The following CCDC30 variants were observed in gnomAD, a reference collection of about 807,000 sequenced individuals.
CCDC30 encodes the protein coiled-coil domain-containing protein 30.
Under a neutral mutation model 100.2 loss-of-function variants are expected in CCDC30, and 70 were observed. The observed-to-expected ratio is 0.70, with a 90% CI of 0.58 to 0.85. The LOEUF is 0.85. CCDC30 is among the 40% of genes least tolerant of loss of function. The probability of loss-of-function intolerance (pLI) is 0.00; values close to 1 mark genes in which losing one functional copy is unlikely to be tolerated. For synonymous variants in CCDC30, 233 were observed against 269.5 expected (o/e 0.86, Z 1.33); for missense variants, 652 against 771.2 (o/e 0.85, Z 1.83).
At chr1:42,550,441 A>G (rs764395968) in intron 6 of CCDC30, among the ~76,000 whole-genome samples, 8 of 152,184 alleles carry the variant, frequency 5.3e-5, no homozygotes, top group African/African-American at 1.4e-4. Flanking sequence ...AACCATTACC[A>G]TGACCCATAA....
intron 6 of CCDC30, among the ~76,000 whole-genome samples, chr1:42,521,762 A>G (rs1283865748): frequency 1.3e-5 from 2 of 151,786 alleles, no homozygotes; most frequent in Admixed American, 6.6e-5. Context: ...TAATTATGAT[A>G]TATTTTTACT....
chr1:42,457,397 T>C, the CCDC30 span: 2 of 1,518,278 alleles, frequency 1.3e-6, no homozygotes, highest in Admixed American at 3.3e-5. Context: ...ATAACCAATC[T>C]TGGGTTAATT....
intron 6 of CCDC30, among the ~76,000 whole-genome samples, chr1:42,561,945 G>T (rs1645497108): frequency 6.6e-6 from 1 of 152,090 alleles, no homozygotes; most frequent in Non-Finnish European, 1.5e-5. Context: ...AAGGAAATAG[G>T]AGAGGACACA....
chr1:42,595,055 A>C (rs1312057698), intron 10 of CCDC30: 1 of 151,142 alleles, frequency 6.6e-6, no homozygotes, highest in Non-Finnish European at 1.5e-5. Context: ...GCATGATAGG[A>C]TATACGGTAG....
intron 11 of CCDC30, among the ~76,000 whole-genome samples, chr1:42,616,083 T>C (rs1201652904): frequency 6.6e-6 from 1 of 152,108 alleles, no homozygotes; most frequent in African/African-American, 2.4e-5. Context: ...ACCCAGCTAA[T>C]TTTTTTATTT....
intron 3 of CCDC30, among the ~76,000 whole-genome samples, chr1:42,483,164 T>C (rs893428478): frequency 6.6e-6 from 1 of 152,214 alleles, no homozygotes. Flanking sequence ...ATATGCAGTA[T>C]GCCTTCTATG....
At chr1:42,602,035 T>G (rs1488443689) in intron 10 of CCDC30, among the ~76,000 whole-genome samples, 1 of 152,106 alleles carries the variant, frequency 6.6e-6, no homozygotes, top group Non-Finnish European at 1.5e-5. Flanking sequence ...ATGCATTTGC[T>G]GAACTGAAAA....
At chr1:42,631,817 T>C (rs1647043723) in intron 11 of CCDC30, among the ~76,000 whole-genome samples, 1 of 152,092 alleles carries the variant, frequency 6.6e-6, no homozygotes, top group Non-Finnish European at 1.5e-5. Context: ...TAAGGCCCAG[T>C]GTCTCCTAAA....
At chr1:42,491,829 T>G (rs1644148297) in intron 4 of CCDC30, 1 of 348,982 alleles carries the variant, frequency 2.9e-6, no homozygotes, top group Admixed American at 3.4e-5. Context: ...GAAAGATTGG[T>G]GTGATGTAAA....
At chr1:42,577,165 C>T (rs1421921804) in exon 8 of CCDC30, 10 of 1,613,974 alleles carry the variant, frequency 6.2e-6, no homozygotes, top group Non-Finnish European at 8.5e-6. Context: ...AGCATTAAAT[C>T]ACAGAACAAC....
At chr1:42,543,206 C>T (rs556025289) in intron 6 of CCDC30, among the ~76,000 whole-genome samples, 1 of 149,536 alleles carries the variant, frequency 6.7e-6, no homozygotes, top group Admixed American at 6.6e-5. Flanking sequence ...AACTCCTGAC[C>T]TCATGATCTG....
In CCDC30 at chr1:42,536,456, A is replaced by T; in HGVS notation, c.457-29840A>T. ...ACTGCTATTATATATAAAATTAATT[A>T]TGTAAAATGCTTTTTACAGATCCTG... is the stretch of plus-strand genomic sequence containing the variant. On this transcript the variant is annotated intron_variant, in intron 6 of 16. Transcript: ENST00000668663. The T allele has an allele frequency of 6.8e-7, 1 of 1,464,204 alleles. No homozygotes were observed. The highest frequency in any genetic ancestry group is 9.4e-7 in the Non-Finnish European group (1 of 1,063,442). The allele number at this position is 1,464,204 out of a possible 1,614,324, so 90.7% of individuals were successfully genotyped here.
chr1:42,479,309 G>T (rs1040328461), intron 1 of CCDC30, among the ~76,000 whole-genome samples: 2 of 152,106 alleles, frequency 1.3e-5, no homozygotes, highest in Non-Finnish European at 2.9e-5. Context: ...ATGGGAGGTG[G>T]AGGTTGCAGT....
chr1:42,503,856 T>TAAC (rs1300178940), intron 6 of CCDC30, among the ~76,000 whole-genome samples: 1 of 152,144 alleles, frequency 6.6e-6, no homozygotes, highest in Non-Finnish European at 1.5e-5. Context: ...GTGGTAACCC[T>TAAC]AACTGTGGAG....
At chr1:42,655,765 C>G (rs1212855173), downstream of CCDC30, among the ~76,000 whole-genome samples, 1 of 151,906 alleles carries the variant, frequency 6.6e-6, no homozygotes, top group Non-Finnish European at 1.5e-5. Flanking sequence ...ACATTCACAT[C>G]CATTTCATCT....
intron 6 of CCDC30, among the ~76,000 whole-genome samples, chr1:42,511,690 T>C (rs1644479796): frequency 6.6e-6 from 1 of 151,964 alleles, no homozygotes; most frequent in Non-Finnish European, 1.5e-5. Context: ...TTTTAGTATA[T>C]TGGTGCAAAA....
In CCDC30 at chr1:42,608,955, G is replaced by A. The variant is rs114288802; in HGVS notation, c.1165-2023G>A. 7.2e-3 allele frequency among the ~76,000 whole-genome samples: 1,102 copies of A among 152,210 alleles called. 9 individuals carry two copies. The highest frequency in any genetic ancestry group is 0.012 in the Non-Finnish European group (820 of 68,012). Reference sequence around the variant, plus strand: ...CTGCTTTTGACAGATTTTACAATATGGACATTTCTATGTGATACAGGCACT... The same window carrying A: ...CTGCTTTTGACAGATTTTACAATATAGACATTTCTATGTGATACAGGCACT... On this transcript the variant is annotated intron_variant, in intron 10 of 16. Transcript: ENST00000668663.
intron 10 of CCDC30, among the ~76,000 whole-genome samples, chr1:42,607,750 A>G (rs992359748): frequency 5.3e-5 from 8 of 152,176 alleles, no homozygotes; most frequent in Non-Finnish European, 1.2e-4. Context: ...TCTAATCCCC[A>G]AGCCTTGAAG....
At chr1:42,522,346 A>C (rs1644661481) in intron 6 of CCDC30, among the ~76,000 whole-genome samples, 1 of 152,182 alleles carries the variant, frequency 6.6e-6, no homozygotes, top group Non-Finnish European at 1.5e-5. Flanking sequence ...TACATTTAAA[A>C]TAATTACAGA....
Sources: gnomAD v4.1 joint callset for allele counts (sites outside exome capture counted in the v4.1 genomes callset) on GRCh38, gnomAD v4.1.1 for gene constraint, MANE v1.5 for transcripts, NCBI Gene and HGNC (gene_info 2026-07-23, HGNC 2026-07-21) for gene names.